The following CACNA1H variants were observed in gnomAD, a reference collection of about 807,000 sequenced individuals.
CACNA1H encodes the protein voltage-dependent T-type calcium channel subunit alpha-1H.
Under a neutral mutation model 192.5 loss-of-function variants are expected in CACNA1H, and 149 were observed. That is an observed-to-expected ratio of 0.77 (90% CI 0.68 to 0.89). The LOEUF (loss-of-function observed/expected upper bound fraction) is 0.89, where lower values mean the gene tolerates loss of function less well. Among genes scored for constraint, CACNA1H ranks in the 40% least tolerant of loss-of-function variants. The pLI, the probability that CACNA1H is intolerant of heterozygous loss-of-function variation, is 0.00. For missense variants in CACNA1H, 4,257 were observed against 3,423.5 expected (o/e 1.24, Z -6.08); for synonymous variants, 2,202 against 1,475.2 (o/e 1.49, Z -11.29).
At chr16:1,190,229 C>A (rs921730539) in intron 2 of CACNA1H, among the ~76,000 whole-genome samples, 2 of 152,252 alleles carry the variant, frequency 1.3e-5, no homozygotes, top group African/African-American at 4.8e-5. Flanking sequence ...GCTACGTTGG[C>A]CTGCTTCTCC....
At chr16:1,177,858 T>C (rs1411387842) in intron 2 of CACNA1H, among the ~76,000 whole-genome samples, 1 of 151,728 alleles carries the variant, frequency 6.6e-6, no homozygotes, top group Non-Finnish European at 1.5e-5. Flanking sequence ...CCTCACCTCA[T>C]CCCAGTCACC....
chr16:1,202,572 T>G, intron 9 of CACNA1H, 120 bp downstream of exon 9: 1 of 894,496 alleles, frequency 1.1e-6, no homozygotes, highest in Non-Finnish European at 1.6e-6. Flanking sequence ...CTTTGACTTG[T>G]GAAACAGACC....
Position 1,167,778 on chromosome 16 carries a change from C to T in CACNA1H, c.299+13742C>T, listed in dbSNP as rs751701365. Reference sequence around the variant, plus strand: ...CAGGGACACACCCAGACACGGGAAACGGGACACCTGGAGCTGTGGCGCTGG... The same window carrying T: ...CAGGGACACACCCAGACACGGGAAATGGGACACCTGGAGCTGTGGCGCTGG... On this transcript the variant is annotated intron_variant, in intron 2 of 34. Transcript: ENST00000348261. This position sits in a 1 kb window ranked among gnomAD's most constrained non-coding sequence, Gnocchi z 4.2. Among the ~76,000 whole-genome samples the T allele has an allele frequency of 2.6e-5, 4 of 152,190 alleles. No individual in the cohort carries two copies. Among genetic ancestry groups the T allele is most frequent in the Non-Finnish European group, 5.9e-5 (4 of 68,038 alleles).
Position 1,206,176 on chromosome 16 carries a change from G to A in CACNA1H, c.2676G>A (p.Leu892=), listed in dbSNP as rs567419788. ...VLRTFRLLRV[L]KLVRFLPALR... is the part of the protein sequence containing the mutation. ...GCACCTTCCGGCTGCTGCGTGTGCT[G>A]AAGCTGGTGCGCTTTCTGCCAGCCC... The change falls in exon 12 of 35, where the codon CTG becomes CTA. Residue 892 remains leucine (L), a synonymous_variant. Coordinates refer to ENST00000348261, the MANE Select transcript of CACNA1H (RefSeq NM_021098.3). The A allele has an allele frequency of 2.8e-5, 44 of 1,587,816 alleles. 1 individual carries two copies. In the South Asian group the frequency reaches 5.1e-4, roughly 18 times the overall value.
At position 1,221,408 on chromosome 16, in the gene CACNA1H, G is replaced by A. The variant is rs1014045808; in HGVS notation, c.*414G>A. ...TTGCCGGCGGCAGGTTGCAGCCACC[G>A]CGGCCCAATGTCACCTTCACTCACA... On this transcript the variant is annotated 3_prime_UTR_variant, in exon 35 of 35. Transcript: ENST00000348261. 9 of 290,836 alleles carry A rather than the reference G, an allele frequency of 3.1e-5. No individual in the cohort carries two copies. The highest frequency in any genetic ancestry group is 4.4e-5 in the African/African-American group (2 of 45,458). 18.0% of individuals were successfully genotyped at this position (290,836 alleles called of 1,614,324 possible). A position where few individuals can be genotyped will look rare whatever the true frequency, so the allele number is the denominator to read the frequency against.
chr16:1,181,945 C>G (rs978859763), intron 2 of CACNA1H, among the ~76,000 whole-genome samples: 1 of 149,716 alleles, frequency 6.7e-6, no homozygotes, highest in African/African-American at 2.5e-5. Flanking sequence ...TGCACACACG[C>G]CCCCTCGCAC....
chr16:1,186,993 C>G (rs1017076621), intron 2 of CACNA1H, among the ~76,000 whole-genome samples: 1 of 152,344 alleles, frequency 6.6e-6, no homozygotes, highest in East Asian at 1.9e-4. Context: ...GCGGCTGGCC[C>G]GGCCCCTCCT....
At chr16:1,157,041 G>A (rs565181266) in intron 2 of CACNA1H, 1 of 152,244 alleles carries the variant, frequency 6.6e-6, no homozygotes, top group Non-Finnish European at 1.5e-5. Flanking sequence ...TCTGTGTGTT[G>A]TCGCCCGGCT....
rs185426410 is a variant in CACNA1H at position 1,209,501 on chromosome 16, G to T, written c.3744+89G>T. 23 of 1,502,194 alleles carry T rather than the reference G, an allele frequency of 1.5e-5. No homozygotes were observed. In the African/African-American group the frequency reaches 2.5e-4, roughly 16 times the overall value. 93.1% of individuals were successfully genotyped at this position (1,502,194 alleles called of 1,614,324 possible). A position where few individuals can be genotyped will look rare whatever the true frequency, so the allele number is the denominator to read the frequency against. ...AGTGGGGTTTGAGATGGGATTCAGG[G>T]CGTGTTGTTGACTGAGGGGATTCAG... On this transcript the variant is annotated intron_variant, in intron 17 of 34. Transcript: ENST00000348261.
Position 1,215,303 on chromosome 16 carries a change from A to T in CACNA1H, c.5101A>T (p.Ile1701Leu). Reference sequence around the variant, plus strand: ...ACTCATGGGCATCACGCTGGAGGAGATAGAGATGAGCGCCGCGCTGCCCAT... The same window carrying T: ...ACTCATGGGCATCACGCTGGAGGAGTTAGAGATGAGCGCCGCGCTGCCCAT... ...LSLMGITLEEIEMSAALPINP... is the reference protein window; with the variant it reads ...LSLMGITLEELEMSAALPINP... The change falls in exon 29 of 35, where the codon ATA becomes TTA. Residue 1701 changes from isoleucine to leucine, a missense_variant. Ile to Leu is a conservative substitution (Grantham distance 5). Transcript: ENST00000348261. 1.9e-6 allele frequency: 3 copies of T among 1,610,444 alleles called. No homozygotes were observed. Among genetic ancestry groups the T allele is most frequent in the Non-Finnish European group, 2.5e-6 (3 of 1,178,860 alleles).
chr16:1,155,158 C>G (rs1005599341), intron 2 of CACNA1H, among the ~76,000 whole-genome samples: 1 of 152,240 alleles, frequency 6.6e-6, no homozygotes, highest in African/African-American at 2.4e-5. Context: ...CGTGTTTCTC[C>G]TTTCTCAAAT....
Position 1,212,106 on chromosome 16 carries a change from A to C in CACNA1H, c.4727A>C (p.Lys1576Thr), listed in dbSNP as rs1005635864. The change falls in exon 25 of 35, where the codon AAG becomes ACG. Residue 1576 changes from lysine (K) to threonine (T), a missense_variant. By Grantham distance (78) the Lys-to-Thr change is moderately conservative. Transcript: ENST00000348261. The stretch of plus-strand genomic sequence containing the variant: ...GAGGAGGCGCGGCGGCGAGAGGAGA[A>C]GCGGCTGCGGCGCCTAGAGAGGAGG... Reference protein sequence around the residue: ...EAEEARRREEKRLRRLERRRR... With the variant: ...EAEEARRREETRLRRLERRRR... 6.2e-7 allele frequency: 1 copy of C among 1,610,300 alleles called. No homozygotes were observed. Among genetic ancestry groups the C allele is most frequent in the African/African-American group, 1.3e-5 (1 of 74,994 alleles).
chr16:1,214,100 C>T (rs567762274), intron 27 of CACNA1H, among the ~76,000 whole-genome samples, 169 bp downstream of exon 27: 19 of 152,072 alleles, frequency 1.2e-4, no homozygotes, highest in South Asian at 4.1e-4. Flanking sequence ...ATTGAAACTC[C>T]CCTCCCCCTG....
chr16:1,204,064 C>T lies in CACNA1H; in HGVS notation c.2057C>T (p.Pro686Leu), dbSNP rs145376050. Residue 686 changes from proline (P) to leucine (L), a missense_variant, in exon 10 of 35, where the codon CCC becomes CTC. Pro to Leu is a moderately conservative substitution (Grantham distance 98). Coordinates refer to ENST00000348261, the MANE Select transcript of CACNA1H (RefSeq NM_021098.3). ...GGCCTCAGTGTGCCCTGCCCCCTGC[C>T]CAGCCCCCCAGCGGGCACACTGACC... ...LSGLSVPCPLPSPPAGTLTCE... is the reference protein window; with the variant it reads ...LSGLSVPCPLLSPPAGTLTCE... 1.3e-3 allele frequency: 2,105 copies of T among 1,599,342 alleles called. 6 individuals carry two copies. The highest frequency in any genetic ancestry group is 1.5e-3 in the Non-Finnish European group (1,734 of 1,173,900).
chr16:1,217,027 C>T lies in CACNA1H; in HGVS notation c.5323+17C>T, dbSNP rs1970082807. Reference sequence around the variant, plus strand: ...GGAGGCTGGGTGAGTGGCTCCTGCGCCCTCCTCCTGGCACACATGGGGTCC... The same window carrying T: ...GGAGGCTGGGTGAGTGGCTCCTGCGTCCTCCTCCTGGCACACATGGGGTCC... On this transcript the variant is annotated intron_variant, in intron 31 of 34. Transcript: ENST00000348261. 1.3e-6 allele frequency: 2 copies of T among 1,572,772 alleles called. No individual in the cohort carries two copies. Among genetic ancestry groups the T allele is most frequent in the Non-Finnish European group, 1.7e-6 (2 of 1,158,100 alleles).
At position 1,215,301 on chromosome 16, in the gene CACNA1H, A is replaced by G; in HGVS notation, c.5099A>G (p.Glu1700Gly). The G allele has an allele frequency of 6.2e-7, 1 of 1,610,268 alleles. No homozygotes were observed. ...TCACTCATGGGCATCACGCTGGAGG[A>G]GATAGAGATGAGCGCCGCGCTGCCC... ...LLSLMGITLE[E>G]IEMSAALPIN... Residue 1700 changes from glutamate to glycine, a missense_variant, in exon 29 of 35, where the codon GAG (glutamate) becomes GGG (glycine). By Grantham distance (98) the Glu-to-Gly change is moderately conservative. Transcript: ENST00000348261.
In CACNA1H at chr16:1,209,013, G is replaced by A. The variant is rs1305321788; in HGVS notation, c.3364-19G>A. Reference sequence around the variant, plus strand: ...CTAATAGTGATGCCACCAGGTCACTGACTCCCGCCACCCCCCAGGCCAGCC... The same window carrying A: ...CTAATAGTGATGCCACCAGGTCACTAACTCCCGCCACCCCCCAGGCCAGCC... On this transcript the variant is annotated intron_variant, in intron 16 of 34. Coordinates refer to ENST00000348261, the MANE Select transcript of CACNA1H (RefSeq NM_021098.3). The A allele has an allele frequency of 1.4e-6, 2 of 1,477,796 alleles. No individual in the cohort carries two copies. Among genetic ancestry groups the A allele is most frequent in the Non-Finnish European group, 1.8e-6 (2 of 1,122,662 alleles). 91.5% of individuals were successfully genotyped at this position (1,477,796 alleles called of 1,614,324 possible). A position where few individuals can be genotyped will look rare whatever the true frequency, so the allele number is the denominator to read the frequency against.
chr16:1,182,990 A>T (rs1965622039), intron 2 of CACNA1H, among the ~76,000 whole-genome samples: 1 of 151,978 alleles, frequency 6.6e-6, no homozygotes, highest in Admixed American at 6.5e-5. Flanking sequence ...TCTCTGGACA[A>T]CTGGGTTTCC....
Position 1,208,203 on chromosome 16 carries a change from G to T in CACNA1H, c.3345G>T (p.Leu1115=). ...GCAGCAGCTCCGGGGACCCGCCACT[G>T]GGAGACCAGAAGCCTCCGGTAGGGA... ...RGSSSSGDPP[L]GDQKPPASLR... Residue 1115 remains leucine, a synonymous_variant, in exon 16 of 35, where the codon CTG becomes CTT. Coordinates refer to ENST00000348261, the MANE Select transcript of CACNA1H (RefSeq NM_021098.3). 1 of 1,564,478 alleles carries T rather than the reference G, an allele frequency of 6.4e-7. No homozygotes were observed. Among genetic ancestry groups the T allele is most frequent in the Non-Finnish European group, 8.6e-7 (1 of 1,157,356 alleles).
Sources: allele counts gnomAD v4.1 joint callset (sites outside exome capture counted in the v4.1 genomes callset), GRCh38; gene constraint gnomAD v4.1.1; non-coding constraint Gnocchi (gnomAD v3.1); transcripts MANE v1.5; gene names NCBI Gene and HGNC (gene_info 2026-07-23, HGNC 2026-07-21).